TLL1: variants seen among roughly 807,000 people sequenced by gnomAD.
The protein encoded by TLL1 is tolloid-like protein 1.
TLL1 carries 49 observed loss-of-function variants against 128.2 expected under a neutral mutation model. The ratio of observed to expected loss-of-function variants is 0.38; its 90% confidence interval spans 0.30 to 0.48. The LOEUF (loss-of-function observed/expected upper bound fraction) is 0.48, where lower values mean the gene tolerates loss of function less well. Among genes scored for constraint, TLL1 ranks in the 20% least tolerant of loss-of-function variants. TLL1 has a pLI of 0.96. For synonymous variants in TLL1, 454 were observed against 418.8 expected (o/e 1.08, Z -1.03); for missense variants, 1,123 against 1,242.0 (o/e 0.90, Z 1.44).
chr4:166,064,149 A>T (rs1054280705), intron 15 of TLL1, among the ~76,000 whole-genome samples: 1 of 152,138 alleles, frequency 6.6e-6, no homozygotes, highest in Non-Finnish European at 1.5e-5. Context: ...CTTTACATGA[A>T]ATATAATTTT....
At chr4:166,052,063 G>A (rs1029167617) in intron 12 of TLL1, among the ~76,000 whole-genome samples, 1 of 152,098 alleles carries the variant, frequency 6.6e-6, no homozygotes, top group Non-Finnish European at 1.5e-5. Flanking sequence ...TAAAGGAATA[G>A]AGTGAGTTTT....
rs1740239749 is a variant in TLL1, at chr4:166,060,197, A to G, written c.2007+9A>G. The stretch of plus-strand genomic sequence containing the variant: ...AATTGGAAGGCAATGAAGTAAGTGA[A>G]CAATAACTGTAATTTTTTAAATCAT... On this transcript the variant is annotated intron_variant, in intron 15 of 20. Transcript: ENST00000061240. The G allele has an allele frequency of 6.2e-7, 1 of 1,613,500 alleles. No individual in the cohort carries two copies. Among genetic ancestry groups the G allele is most frequent in the Non-Finnish European group, 8.5e-7 (1 of 1,179,694 alleles).
chr4:166,049,851 ATTG>A lies in TLL1; in HGVS notation c.1525-5222_1525-5220del, dbSNP rs1739631186. Among the ~76,000 whole-genome samples, 5 of 151,952 alleles carry A rather than the reference ATTG, an allele frequency of 3.3e-5. No individual in the cohort carries two copies. In the South Asian group the frequency reaches 8.3e-4, roughly 25 times the overall value. ...TTTTTAATGATAAATGCTCATTTGC[ATTG>A]TTTTTATTAATCAGAGTTTTATTTA... is the stretch of plus-strand genomic sequence containing the variant. On this transcript the variant is annotated intron_variant, in intron 12 of 20. Coordinates refer to ENST00000061240, the MANE Select transcript of TLL1 (RefSeq NM_012464.5).
chr4:165,899,609 T>C (rs531049049), intron 1 of TLL1, among the ~76,000 whole-genome samples: 1 of 152,320 alleles, frequency 6.6e-6, no homozygotes, highest in Admixed American at 6.5e-5. Context: ...ATTTCCGTTC[T>C]TTTGCATTTG....
intron 1 of TLL1, among the ~76,000 whole-genome samples, chr4:165,923,929 T>C (rs1323527247): frequency 7.9e-5 from 12 of 152,190 alleles, no homozygotes; most frequent in Non-Finnish European, 1.8e-4. Flanking sequence ...ATATCTGTTA[T>C]GGTGATCTGG....
intron 9 of TLL1, among the ~76,000 whole-genome samples, chr4:166,025,791 G>A (rs1251792443): frequency 6.6e-6 from 1 of 151,926 alleles, no homozygotes; most frequent in African/African-American, 2.4e-5. Flanking sequence ...AATGAAAATT[G>A]TAAACTATTT....
intron 1 of TLL1, among the ~76,000 whole-genome samples, chr4:165,980,304 A>G (rs73863515): frequency 0.023 from 3,431 of 152,178 alleles, 115 homozygotes; most frequent in African/African-American, 0.077. Context: ...TAATGGATTC[A>G]GGAACATGGG....
intron 1 of TLL1, among the ~76,000 whole-genome samples, chr4:165,953,736 A>G (rs1734652517): frequency 6.6e-6 from 1 of 151,768 alleles, no homozygotes; most frequent in Non-Finnish European, 1.5e-5. Flanking sequence ...TTAACACTGG[A>G]GTGTACTTTT....
chr4:165,875,346 C>A (rs1285255383), intron 1 of TLL1, among the ~76,000 whole-genome samples: 1 of 151,954 alleles, frequency 6.6e-6, no homozygotes, highest in Non-Finnish European at 1.5e-5. Flanking sequence ...TTAATTTTTA[C>A]CTTTGATGAC....
chr4:166,047,958 T>C (rs1040837828), intron 12 of TLL1, among the ~76,000 whole-genome samples: 3 of 151,884 alleles, frequency 2.0e-5, no homozygotes, highest in African/African-American at 7.3e-5. Context: ...GCCTAGGGGC[T>C]AGGTGCTGTG....
In TLL1 at chr4:165,986,102, T is replaced by G. The variant is rs1736382696; in HGVS notation, c.170-3279T>G. Among the ~76,000 whole-genome samples the G allele has an allele frequency of 2.0e-5, 3 of 152,030 alleles. No homozygotes were observed. The South Asian group carries it at 6.2e-4, about 31-fold the overall frequency. On this transcript the variant is annotated intron_variant, in intron 1 of 20. Transcript: ENST00000061240. ...CGATAATTCATACTTTAAGACTGTT[T>G]ATCTCCAACTTTGTTTTTTGAGGTA...
chr4:165,951,153 T>C (rs982553636), intron 1 of TLL1, among the ~76,000 whole-genome samples: 5 of 152,058 alleles, frequency 3.3e-5, no homozygotes, highest in Admixed American at 1.3e-4. Flanking sequence ...CTAGATGAAA[T>C]AGACAAATTA....
intron 1 of TLL1, among the ~76,000 whole-genome samples, chr4:165,968,750 T>C (rs1208517350): frequency 6.6e-6 from 1 of 152,182 alleles, no homozygotes; most frequent in Non-Finnish European, 1.5e-5. Flanking sequence ...ATGTCGTTTT[T>C]TTCTATCTGT....
chr4:165,974,401 A>G (rs904835430), intron 1 of TLL1, among the ~76,000 whole-genome samples: 11 of 130,782 alleles, frequency 8.4e-5, no homozygotes, highest in African/African-American at 1.4e-4. Context: ...CGGCCTCCCA[A>G]AGTGCTGGGA....
chr4:165,924,410 G>T (rs1370303371), intron 1 of TLL1, among the ~76,000 whole-genome samples: 1 of 152,154 alleles, frequency 6.6e-6, no homozygotes, highest in African/African-American at 2.4e-5. Flanking sequence ...AAGTGGTCTG[G>T]ATAGATCAGT....
chr4:166,086,764 C>A (rs144471056), intron 18 of TLL1, among the ~76,000 whole-genome samples: 3 of 152,208 alleles, frequency 2.0e-5, no homozygotes, highest in Admixed American at 1.3e-4. Context: ...CACAACCTTG[C>A]CTTCCCAATT....
At chr4:165,984,181 G>A (rs1173797367) in intron 1 of TLL1, among the ~76,000 whole-genome samples, 3 of 151,760 alleles carry the variant, frequency 2.0e-5, no homozygotes, top group African/African-American at 7.2e-5. Flanking sequence ...TTTTTCTGAA[G>A]AATGTTTCTG....
intron 8 of TLL1, among the ~76,000 whole-genome samples, chr4:166,021,109 CTTAA>C (rs1452687050): frequency 3.9e-5 from 6 of 152,212 alleles, no homozygotes; most frequent in South Asian, 2.1e-4. Flanking sequence ...TTTTCAATTA[CTTAA>C]TTCATAGTTA....
chr4:166,013,623 A>ATT (rs1466490931), intron 7 of TLL1, among the ~76,000 whole-genome samples: 1 of 151,832 alleles, frequency 6.6e-6, no homozygotes, highest in Non-Finnish European at 1.5e-5. Context: ...CTCCCAGTTC[A>ATT]TTTAACTTTT....
Sources: gnomAD v4.1 joint callset for allele counts (sites outside exome capture counted in the v4.1 genomes callset) on GRCh38, gnomAD v4.1.1 for gene constraint, MANE v1.5 for transcripts, NCBI Gene and HGNC (gene_info 2026-07-23, HGNC 2026-07-21) for gene names.